LAMC1: variants seen among roughly 807,000 people sequenced by gnomAD.
The protein encoded by LAMC1 is laminin subunit gamma 1.
Under a neutral mutation model 173.6 loss-of-function variants are expected in LAMC1, and 38 were observed. The ratio of observed to expected loss-of-function variants is 0.22; its 90% CI spans 0.17 to 0.29. The LOEUF (loss-of-function observed/expected upper bound fraction) is 0.29. Among genes scored for constraint, LAMC1 ranks in the 10% least tolerant of loss-of-function variants. The pLI is 1.00. For synonymous variants in LAMC1, 746 were observed against 749.1 expected (o/e 1.00, Z 0.07); for missense variants, 1,824 against 2,051.8 (o/e 0.89, Z 2.14).
chr1:183,026,171 T>A (rs1653680531), intron 1 of LAMC1, among the ~76,000 whole-genome samples: 1 of 152,230 alleles, frequency 6.6e-6, no homozygotes, highest in Non-Finnish European at 1.5e-5. Flanking sequence ...CTAAATGAAA[T>A]TCATAAAACT....
At chr1:183,124,383 T>C (rs888529792) in intron 13 of LAMC1, among the ~76,000 whole-genome samples, 1 of 152,224 alleles carries the variant, frequency 6.6e-6, no homozygotes, top group African/African-American at 2.4e-5. Flanking sequence ...TTTGGGTTGA[T>C]TGTCACAACA....
Position 183,055,910 on chromosome 1 carries a change from A to G in LAMC1, c.418+31776A>G, listed in dbSNP as rs190306617. ...ATTGATGATTATTTTTCATGAGCTT[A>G]ATAAAATTGAGGGTGTAGCTGGGGA... On this transcript the variant is annotated intron_variant, in intron 1 of 27. Coordinates refer to ENST00000258341, the MANE Select transcript of LAMC1 (RefSeq NM_002293.4). Among the ~76,000 whole-genome samples, 256 of 152,354 alleles carry G rather than the reference A, an allele frequency of 1.7e-3. 1 individual carries two copies. Among genetic ancestry groups the G allele is most frequent in the Non-Finnish European group, 2.6e-3 (176 of 68,034 alleles).
intron 1 of LAMC1, among the ~76,000 whole-genome samples, chr1:183,039,947 T>C (rs188738811): frequency 6.1e-4 from 93 of 152,340 alleles, no homozygotes; most frequent in Non-Finnish European, 9.7e-4. Context: ...AAATTTTTGG[T>C]AAAAACCTTT....
chr1:183,032,598 C>T (rs530501842), intron 1 of LAMC1, among the ~76,000 whole-genome samples: 3 of 152,276 alleles, frequency 2.0e-5, no homozygotes, highest in Admixed American at 6.5e-5. Context: ...TCAGAGCTCA[C>T]TGCAGCCTTG....
Position 183,133,529 on chromosome 1 carries a change from T to C in LAMC1, c.3828T>C (p.Pro1276=). 1.2e-6 allele frequency: 2 copies of C among 1,612,870 alleles called. No homozygotes were observed. The highest frequency in any genetic ancestry group is 1.7e-6 in the Non-Finnish European group (2 of 1,179,294). The change falls in exon 22 of 28, where the codon CCT becomes CCC. Residue 1276 remains proline, a synonymous_variant. Transcript: ENST00000258341. ...ATGCCAGCGTGGCTCAGCTGAGCCC[T>C]TTGGACTCTGAGACACTGGAGGTAT... is the stretch of plus-strand genomic sequence containing the variant. The part of the protein sequence containing the change: ...EIYASVAQLS[P]LDSETLENEA...
chr1:183,123,320 A>G (rs1435670332), intron 13 of LAMC1, among the ~76,000 whole-genome samples: 2 of 152,168 alleles, frequency 1.3e-5, no homozygotes, highest in South Asian at 2.1e-4. Flanking sequence ...GGATTGCCTA[A>G]TTGTTCTCCC....
rs1302414467 is a variant in LAMC1, at chr1:183,130,485, C to T, written c.3422C>T (p.Thr1141Ile). 1.2e-6 allele frequency: 2 copies of T among 1,614,212 alleles called. No individual in the cohort carries two copies. Among genetic ancestry groups the T allele is most frequent in the Non-Finnish European group, 1.7e-6 (2 of 1,180,048 alleles). ...CAAGCGCGTGCCCATGTAGAGAACA[C>T]AGAGCGGTTGATTGAAATCGCATCC... is the stretch of plus-strand genomic sequence containing the variant. Reference protein sequence around the residue: ...AEQARAHVENTERLIEIASRE... With the variant: ...AEQARAHVENIERLIEIASRE... The change falls in exon 19 of 28, where the codon ACA (threonine) becomes ATA (isoleucine). Residue 1141 changes from threonine (T) to isoleucine (I), a missense_variant. Coordinates refer to ENST00000258341, the MANE Select transcript of LAMC1 (RefSeq NM_002293.4).
chr1:183,070,027 A>G (rs953142854), intron 1 of LAMC1, among the ~76,000 whole-genome samples: 3 of 152,240 alleles, frequency 2.0e-5, no homozygotes, highest in Non-Finnish European at 4.4e-5. Flanking sequence ...CTCTTCATAA[A>G]TGATTACTCA....
At chr1:183,109,382 A>G (rs1294362046) in intron 3 of LAMC1, among the ~76,000 whole-genome samples, 1 of 152,230 alleles carries the variant, frequency 6.6e-6, no homozygotes, top group Non-Finnish European at 1.5e-5. Flanking sequence ...CAACAAATAC[A>G]TGACATTAAG....
At chr1:183,130,306 C>T (rs1656746196) in intron 18 of LAMC1, 38 bp from the exon 19 acceptor site, 1 of 1,526,864 alleles carries the variant, frequency 6.5e-7, no homozygotes, top group African/African-American at 1.4e-5. Flanking sequence ...TGATCCTCTT[C>T]AGATAATTTA....
chr1:183,110,701 A>G (rs1313854632), intron 4 of LAMC1, 47 bp downstream of exon 4: 9 of 1,578,554 alleles, frequency 5.7e-6, no homozygotes, highest in Middle Eastern at 2.0e-4. Context: ...AAGGACTTCC[A>G]AGGGTGGAAG....
chr1:183,074,968 T>G (rs1227178192), intron 1 of LAMC1, among the ~76,000 whole-genome samples: 2 of 152,142 alleles, frequency 1.3e-5, no homozygotes, highest in Non-Finnish European at 2.9e-5. Context: ...CAATCCCACT[T>G]AAGACTAAAA....
intron 11 of LAMC1, among the ~76,000 whole-genome samples, chr1:183,119,823 G>A (rs1571453558): frequency 1.3e-5 from 2 of 152,160 alleles, no homozygotes; most frequent in Non-Finnish European, 1.5e-5. Flanking sequence ...AGCTAGCATC[G>A]TTGGGTTTTG....
chr1:183,068,163 A>T (rs1166697939), intron 1 of LAMC1, among the ~76,000 whole-genome samples: 2 of 152,076 alleles, frequency 1.3e-5, no homozygotes, highest in African/African-American at 2.4e-5. Context: ...TCTTTTTTTT[A>T]AAAAAGGCCT....
intron 3 of LAMC1, 114 bp from the exon 4 acceptor site, chr1:183,110,366 TCAGTTCCC>T (rs1571446172): frequency 1.5e-6 from 1 of 681,494 alleles, no homozygotes; most frequent in Non-Finnish European, 2.4e-6. Flanking sequence ...TTAATCTTGC[TCAGTTCCC>T]CAGTTTACAC....
At chr1:183,024,896 G>C (rs1162880439) in intron 1 of LAMC1, among the ~76,000 whole-genome samples, 1 of 152,232 alleles carries the variant, frequency 6.6e-6, no homozygotes, top group Admixed American at 6.5e-5. Context: ...CAGAAATCAG[G>C]AAAGGGATGT....
chr1:183,046,522 G>T (rs1013070317), intron 1 of LAMC1, among the ~76,000 whole-genome samples: 7 of 151,886 alleles, frequency 4.6e-5, no homozygotes, highest in African/African-American at 1.7e-4. Context: ...CTCCTCATGA[G>T]CCTTGCTCTT....
At chr1:183,054,297 C>T (rs1458580269) in intron 1 of LAMC1, among the ~76,000 whole-genome samples, 2 of 152,274 alleles carry the variant, frequency 1.3e-5, no homozygotes, top group East Asian at 1.9e-4. Flanking sequence ...AGGAGGAAGC[C>T]GAGGCATAGA....
Position 183,133,297 on chromosome 1 carries a change from T to C in LAMC1, c.3705-109T>C, listed in dbSNP as rs1221049475. ...AAAATGCAAGCATTTTAATGTAGCA[T>C]TTCCTTTGAGGTTTTGGGCGTATTA... On this transcript the variant is annotated intron_variant, in intron 21 of 27. Transcript: ENST00000258341. 4.5e-6 allele frequency: 4 copies of C among 886,494 alleles called. No homozygotes were observed. The African/African-American group carries it at 6.8e-5, about 15-fold the overall frequency. 54.9% of individuals were successfully genotyped at this position (886,494 alleles called of 1,614,324 possible).
Sources: gnomAD v4.1 joint callset for allele counts (sites outside exome capture counted in the v4.1 genomes callset) on GRCh38, gnomAD v4.1.1 for gene constraint, MANE v1.5 for transcripts, NCBI Gene and HGNC (gene_info 2026-07-23, HGNC 2026-07-21) for gene names.